The following DIS3L variants were observed in gnomAD, a reference collection of about 807,000 sequenced individuals.
DIS3L encodes the protein DIS3-like exonuclease 1.
Under a neutral mutation model 120.3 loss-of-function variants are expected in DIS3L, and 100 were observed. The observed-to-expected ratio is 0.83, with a 90% CI of 0.71 to 0.98. DIS3L has a LOEUF of 0.98. DIS3L is among the 50% of genes least tolerant of loss of function. The pLI is 0.00. For synonymous variants in DIS3L, 426 were observed against 470.6 expected, an observed-to-expected ratio of 0.91 and a Z score of 1.23; for missense variants, 1,196 against 1,314.2, an observed-to-expected ratio of 0.91 and a Z score of 1.39.
In DIS3L at chr15:66,314,095, A is replaced by G. The variant is rs1370047088; in HGVS notation, c.792A>G (p.Gln264=). 1 of 1,524,386 alleles carries G rather than the reference A, an allele frequency of 6.6e-7. No individual in the cohort carries two copies. Among genetic ancestry groups the G allele is most frequent in the African/African-American group, 1.4e-5 (1 of 70,378 alleles). The allele number at this position is 1,524,386 out of a possible 1,614,324, so 94.4% of individuals were successfully genotyped here. The change falls in exon 6 of 17, where the codon CAA becomes CAG. Residue 264 remains glutamine, a synonymous_variant. Coordinates refer to ENST00000319212, the MANE Select transcript of DIS3L (RefSeq NM_001143688.3). ...AAATAGAAGCTTTTGTTCGACTTCA[A>G]GGAGCCAGCAGTAAAGATTCAGGTT... is the stretch of plus-strand genomic sequence containing the variant. ...RAQIEAFVRL[Q]GASSKDSDLV...
In DIS3L at chr15:66,308,755, A is replaced by G. The variant is rs2092725967; in HGVS notation, c.469A>G (p.Arg157Gly). ...TTGGTACTATCATCACTGCCAGGAC[A>G]GGATGCCAATTGTTATGGTGACAGA... Reference protein sequence around the residue: ...AVWYYHHCQDRMPIVMVTEDE... With the variant: ...AVWYYHHCQDGMPIVMVTEDE... The change falls in exon 4 of 17, where the codon AGG (arginine) becomes GGG (glycine). Residue 157 changes from arginine to glycine, a missense_variant. Transcript: ENST00000319212. 2 of 1,613,664 alleles carry G rather than the reference A, an allele frequency of 1.2e-6. No homozygotes were observed. Among genetic ancestry groups the G allele is most frequent in the Non-Finnish European group, 1.7e-6 (2 of 1,179,808 alleles).
At chr15:66,305,091 C>T (rs1361120427) in intron 2 of DIS3L, among the ~76,000 whole-genome samples, 3 of 147,614 alleles carry the variant, frequency 2.0e-5, no homozygotes, top group Non-Finnish European at 4.5e-5. Context: ...AGCTCCGCCT[C>T]CAGGGTTCAC....
chr15:66,332,376 G>C (rs2093007795), intron 15 of DIS3L, among the ~76,000 whole-genome samples: 1 of 150,882 alleles, frequency 6.6e-6, no homozygotes, highest in Non-Finnish European at 1.5e-5. Flanking sequence ...AGAATCACTT[G>C]AACCCGGGAA....
In DIS3L at chr15:66,329,275, AT is replaced by A. The variant is rs1373437061; in HGVS notation, c.2412del (p.Asp804GlufsTer3). The part of the protein sequence containing the change: ...HFTSPIRRYS[D>X]IVVHRLLMAA... ...ACTTCTCCAATAAGAAGATATTCAG[AT>A]ATTGTAGTACACCGCTTGTTAATGG... On this transcript the variant is annotated frameshift_variant, in exon 14 of 17. Coordinates refer to ENST00000319212, the MANE Select transcript of DIS3L (RefSeq NM_001143688.3). LOFTEE classifies it high-confidence loss of function. The A allele has an allele frequency of 2.0e-5, 32 of 1,613,312 alleles. No homozygotes were observed. The highest frequency in any genetic ancestry group is 2.4e-5 in the Non-Finnish European group (28 of 1,179,840).
At chr15:66,316,392 C>G (rs563278391) in intron 7 of DIS3L, among the ~76,000 whole-genome samples, 36 of 152,256 alleles carry the variant, frequency 2.4e-4, no homozygotes, top group African/African-American at 8.2e-4. Context: ...ATACTTCCCC[C>G]ACAGCTCTCC....
intron 15 of DIS3L, among the ~76,000 whole-genome samples, chr15:66,332,325 C>T (rs560680573): frequency 2.6e-5 from 4 of 152,080 alleles, no homozygotes; most frequent in South Asian, 2.1e-4. Flanking sequence ...GGCATGGTGA[C>T]GCATGCCTGA....
intron 16 of DIS3L, 34 bp from the exon 17 acceptor site, chr15:66,332,970 G>A (rs1180785776): frequency 6.3e-7 from 1 of 1,590,160 alleles, no homozygotes; most frequent in Non-Finnish European, 8.5e-7. Flanking sequence ...TAAATAATGT[G>A]ATTTAGTAAT....
In DIS3L at chr15:66,326,384, G is replaced by T; in HGVS notation, c.2201+20G>T. The T allele has an allele frequency of 6.2e-7, 1 of 1,606,272 alleles. No individual in the cohort carries two copies. The highest frequency in any genetic ancestry group is 8.5e-7 in the Non-Finnish European group (1 of 1,174,736). ...TACACGGTATTCCTCTTTTGAGGGG[G>T]CAGAGGAATGGAGTGGCATGCTGTA... On this transcript the variant is annotated intron_variant, in intron 12 of 16. Coordinates refer to ENST00000319212, the MANE Select transcript of DIS3L (RefSeq NM_001143688.3).
At chr15:66,316,134 A>C (rs2092814257) in intron 7 of DIS3L, among the ~76,000 whole-genome samples, 1 of 151,712 alleles carries the variant, frequency 6.6e-6, no homozygotes, top group Non-Finnish European at 1.5e-5. Flanking sequence ...TTGTTTACTC[A>C]GTTGTCTATT....
Position 66,333,357 on chromosome 15 carries a change from A to C in DIS3L, c.*45A>C. 6.5e-7 allele frequency: 1 copy of C among 1,537,130 alleles called. No individual in the cohort carries two copies. Among genetic ancestry groups the C allele is most frequent in the Non-Finnish European group, 8.7e-7 (1 of 1,142,922 alleles). ...GAGCTGTCATATGTGAATGTTTTAC[A>C]GTCTTTTCAAACTTAACATTTAATG... On this transcript the variant is annotated 3_prime_UTR_variant, in exon 17 of 17. Transcript: ENST00000319212.
At chr15:66,324,924 T>C (rs547243484) in intron 11 of DIS3L, among the ~76,000 whole-genome samples, 1 of 152,200 alleles carries the variant, frequency 6.6e-6, no homozygotes, top group Admixed American at 6.5e-5. Flanking sequence ...ACCTTTTTTT[T>C]AAATAAAATG....
intron 2 of DIS3L, among the ~76,000 whole-genome samples, chr15:66,302,428 G>A (rs1433997103): frequency 6.6e-6 from 1 of 152,198 alleles, no homozygotes; most frequent in Non-Finnish European, 1.5e-5. Context: ...AACAAATGCA[G>A]TGATGTCTAT....
At chr15:66,303,252 G>A (rs1595719313) in intron 2 of DIS3L, among the ~76,000 whole-genome samples, 1 of 152,312 alleles carries the variant, frequency 6.6e-6, no homozygotes. Context: ...TAGTGTTGCT[G>A]TGAACATAGG....
At chr15:66,332,976 G>C in intron 16 of DIS3L, 28 bp from the exon 17 acceptor site, 1 of 1,592,944 alleles carries the variant, frequency 6.3e-7, no homozygotes, top group Non-Finnish European at 8.5e-7. Flanking sequence ...ATGTGATTTA[G>C]TAATATGTAT....
In DIS3L at chr15:66,320,246, G is replaced by A. The variant is rs191950204; in HGVS notation, c.1165-325G>A. ...GCATGCATAATTGAGTTTTCCCCTAGTGTTGCAAGCGTTAACTAGAATATA... is the reference window on the plus strand; with the variant it reads ...GCATGCATAATTGAGTTTTCCCCTAATGTTGCAAGCGTTAACTAGAATATA... On this transcript the variant is annotated intron_variant, in intron 8 of 16. Coordinates refer to ENST00000319212, the MANE Select transcript of DIS3L (RefSeq NM_001143688.3). Among the ~76,000 whole-genome samples the A allele has an allele frequency of 3.6e-3, 543 of 152,212 alleles. 2 individuals are homozygous for A. The highest frequency in any genetic ancestry group is 0.013 in the African/African-American group (519 of 41,506).
chr15:66,316,261 C>T (rs548899512), intron 7 of DIS3L, among the ~76,000 whole-genome samples: 37 of 151,928 alleles, frequency 2.4e-4, no homozygotes, highest in Non-Finnish European at 4.7e-4. Context: ...CAGTAAAGGG[C>T]AAATTCATTC....
rs759478801 is a variant in DIS3L at position 66,322,813 on chromosome 15, G to T, written c.1453G>T (p.Val485Leu). 1 of 1,614,216 alleles carries T rather than the reference G, an allele frequency of 6.2e-7. No homozygotes were observed. Among genetic ancestry groups the T allele is most frequent in the Non-Finnish European group, 8.5e-7 (1 of 1,180,030 alleles). Residue 485 changes from valine (V) to leucine (L), a missense_variant, in exon 10 of 17, where the codon GTG becomes TTG. By Grantham distance (32) the Val-to-Leu change is conservative. Transcript: ENST00000319212. ...CATTGACCCCAAAGGTTGTGAAGAT[G>T]TGGATGACACACTCTCAGTCAGAAC... ...FSIDPKGCED[V>L]DDTLSVRTLN... is the part of the protein sequence containing the mutation.
intron 14 of DIS3L, among the ~76,000 whole-genome samples, chr15:66,330,982 C>T (rs1261773205): frequency 6.6e-6 from 1 of 152,034 alleles, no homozygotes; most frequent in African/African-American, 2.4e-5. Context: ...TGGTGAAACC[C>T]CGTTACTACT....
intron 15 of DIS3L, 129 bp from the exon 16 acceptor site, chr15:66,332,607 G>A (rs1456073459): frequency 7.9e-6 from 7 of 880,588 alleles, no homozygotes; most frequent in South Asian, 4.1e-5. Flanking sequence ...AAATAAATAC[G>A]TGGAGGTAAA....
Sources: gnomAD v4.1 joint callset for allele counts (sites outside exome capture counted in the v4.1 genomes callset) on GRCh38, gnomAD v4.1.1 for gene constraint, MANE v1.5 for transcripts, NCBI Gene and HGNC (gene_info 2026-07-23, HGNC 2026-07-21) for gene names.